UBE3D: variants seen among roughly 807,000 people sequenced by gnomAD.
The protein encoded by UBE3D is ubiquitin protein ligase E3D, also known as E3 ubiquitin-protein ligase E3D.
A neutral mutation model predicts 49.6 loss-of-function variants in UBE3D; 48 were observed. That is an observed-to-expected ratio of 0.97 (90% CI 0.77 to 1.23). UBE3D has a LOEUF of 1.23. Among genes scored for constraint, UBE3D ranks in the 50% most tolerant of loss-of-function variants. UBE3D has a pLI of 0.00. For missense variants in UBE3D, 452 were observed against 468.4 expected (o/e 0.96, Z 0.32); for synonymous variants, 189 against 174.2 (o/e 1.08, Z -0.67).
In UBE3D at chr6:83,058,014, T is replaced by G. The variant is rs372665243; in HGVS notation, c.86A>C (p.Lys29Thr). The G allele has an allele frequency of 3.7e-6, 6 of 1,614,010 alleles. No individual in the cohort carries two copies. In the African/African-American group the frequency reaches 8.0e-5, roughly 22 times the overall value. ...QSALLILGEP[K>T]EGGMPMNISI... is the part of the protein sequence containing the mutation. ...AATATTCATGGGCATACCTCCTTCTTTCGGTTCTCTGGTAATTAAAAACAA... is the reference window on the plus strand; with the variant it reads ...AATATTCATGGGCATACCTCCTTCTGTCGGTTCTCTGGTAATTAAAAACAA... Residue 29 changes from lysine to threonine, a missense_variant, in exon 2 of 10, where the codon AAA (lysine) becomes ACA (threonine). Transcript: ENST00000369747.
intron 9 of UBE3D, among the ~76,000 whole-genome samples, chr6:82,917,291 T>C (rs1772988340): frequency 6.6e-6 from 1 of 151,898 alleles, no homozygotes; most frequent in African/African-American, 2.4e-5. Flanking sequence ...TAGCTAGACA[T>C]GAACAGGAGG....
intron 9 of UBE3D, among the ~76,000 whole-genome samples, chr6:82,905,190 C>A (rs934194785): frequency 4.6e-5 from 7 of 152,170 alleles, no homozygotes; most frequent in African/African-American, 1.7e-4. Flanking sequence ...TTTGCAGATA[C>A]AGCATTTTTT....
intron 1 of UBE3D, among the ~76,000 whole-genome samples, chr6:83,060,390 TG>T (rs1400899993): frequency 2.0e-5 from 3 of 152,158 alleles, no homozygotes; most frequent in Non-Finnish European, 4.4e-5. Flanking sequence ...CCTATGGTGG[TG>T]GGGCAGAATT....
chr6:83,052,105 C>T (rs1472154655), intron 3 of UBE3D, among the ~76,000 whole-genome samples: 1 of 152,180 alleles, frequency 6.6e-6, no homozygotes, highest in Non-Finnish European at 1.5e-5. Context: ...CTGTCATAAA[C>T]ACTTAAACTC....
intron 5 of UBE3D, among the ~76,000 whole-genome samples, chr6:83,031,703 A>T (rs1402347639): frequency 1.3e-5 from 2 of 152,244 alleles, no homozygotes; most frequent in African/African-American, 2.4e-5. Flanking sequence ...ACTTCAGGGC[A>T]GGTCAGAGAC....
intron 8 of UBE3D, among the ~76,000 whole-genome samples, chr6:82,982,192 AC>A (rs1778161089): frequency 6.6e-6 from 1 of 152,090 alleles, no homozygotes; most frequent in Non-Finnish European, 1.5e-5. Context: ...CCCACCCAAT[AC>A]TCTCAACCCC....
At chr6:83,049,205 G>A (rs767771022) in intron 3 of UBE3D, among the ~76,000 whole-genome samples, 3 of 152,120 alleles carry the variant, frequency 2.0e-5, no homozygotes, top group Non-Finnish European at 4.4e-5. Flanking sequence ...ATGCCCCTTA[G>A]CTTTAAAATG....
intron 8 of UBE3D, among the ~76,000 whole-genome samples, chr6:82,961,577 A>C (rs930382165): frequency 6.6e-6 from 1 of 152,220 alleles, no homozygotes; most frequent in Non-Finnish European, 1.5e-5. Context: ...CACCACACTG[A>C]CTGCTGAGGA....
chr6:83,060,854 T>C (rs540306734), intron 1 of UBE3D, among the ~76,000 whole-genome samples: 10 of 152,120 alleles, frequency 6.6e-5, no homozygotes, highest in African/African-American at 2.4e-4. Flanking sequence ...AAATAAAAAA[T>C]AAAACCCACT....
At chr6:83,008,658 A>G (rs1175756083) in intron 8 of UBE3D, among the ~76,000 whole-genome samples, 1 of 152,196 alleles carries the variant, frequency 6.6e-6, no homozygotes, top group Non-Finnish European at 1.5e-5. Flanking sequence ...CTTTTAGACT[A>G]CCATCTGGCA....
At chr6:82,990,656 C>T (rs1250980705) in intron 8 of UBE3D, among the ~76,000 whole-genome samples, 3 of 152,126 alleles carry the variant, frequency 2.0e-5, no homozygotes, top group East Asian at 3.9e-4. Context: ...CTTATGTTCA[C>T]CCTATCTTAT....
intron 5 of UBE3D, among the ~76,000 whole-genome samples, chr6:83,034,331 A>T (rs571952296): frequency 3.3e-5 from 5 of 152,330 alleles, no homozygotes; most frequent in African/African-American, 1.2e-4. Context: ...TATTACCATA[A>T]TACTACCATG....
At chr6:82,883,713 C>T in the UBE3D span, among the ~76,000 whole-genome samples, 7 of 152,120 alleles carry the variant, frequency 4.6e-5, no homozygotes, top group African/African-American at 1.7e-4. Context: ...TCAAAAATCA[C>T]CTCAATCTAA....
intron 9 of UBE3D, among the ~76,000 whole-genome samples, chr6:82,917,420 G>A (rs1033090045): frequency 3.9e-5 from 6 of 152,072 alleles, no homozygotes; most frequent in East Asian, 1.9e-4. Context: ...GAACACTCTC[G>A]GACATCCCTT....
chr6:82,930,036 C>T (rs1372258629), intron 9 of UBE3D, among the ~76,000 whole-genome samples: 1 of 152,174 alleles, frequency 6.6e-6, no homozygotes, highest in Non-Finnish European at 1.5e-5. Context: ...CCCCATGTAT[C>T]ATAGGAGGCA....
chr6:83,013,813 G>C (rs1780512061), intron 8 of UBE3D, among the ~76,000 whole-genome samples: 1 of 152,208 alleles, frequency 6.6e-6, no homozygotes, highest in Non-Finnish European at 1.5e-5. Flanking sequence ...TAAGTCCAGT[G>C]TGTTTGCTAC....
At chr6:83,024,551 T>A (rs1407747883) in intron 5 of UBE3D, among the ~76,000 whole-genome samples, 1 of 152,112 alleles carries the variant, frequency 6.6e-6, no homozygotes, top group Admixed American at 6.6e-5. Flanking sequence ...TTAATTTGAG[T>A]TAAGCACTCT....
intron 9 of UBE3D, among the ~76,000 whole-genome samples, chr6:82,915,211 A>G (rs1023271783): frequency 8.5e-5 from 13 of 152,350 alleles, no homozygotes; most frequent in Admixed American, 3.3e-4. Context: ...AGCCAAAATT[A>G]GAGCTCCATG....
intron 8 of UBE3D, among the ~76,000 whole-genome samples, chr6:83,015,923 T>A (rs961124078): frequency 6.6e-6 from 1 of 152,158 alleles, no homozygotes; most frequent in South Asian, 2.1e-4. Flanking sequence ...GAAAGTTTCA[T>A]TGGAGTTTAC....
Sources: allele counts gnomAD v4.1 joint callset (sites outside exome capture counted in the v4.1 genomes callset), GRCh38; gene constraint gnomAD v4.1.1; transcripts MANE v1.5; gene names NCBI Gene and HGNC (gene_info 2026-07-23, HGNC 2026-07-21).